BPTF: variants seen among roughly 807,000 people sequenced by gnomAD.
BPTF encodes the protein nucleosome-remodeling factor subunit BPTF.
BPTF carries 18 observed loss-of-function variants against 292.5 expected under a neutral mutation model. The ratio of observed to expected loss-of-function variants is 0.06; its 90% CI spans 0.04 to 0.09. The LOEUF (loss-of-function observed/expected upper bound fraction) is 0.09. Ranked by LOEUF, BPTF falls within the 10% of genes least tolerant of loss-of-function variation. The probability of loss-of-function intolerance (pLI) is 1.00; values close to 1 mark genes in which losing one functional copy is unlikely to be tolerated. For synonymous variants in BPTF, 1,225 were observed against 1,251.9 expected (o/e 0.98, Z 0.45); for missense variants, 2,726 against 3,498.7 (o/e 0.78, Z 5.57).
chr17:67,851,960 G>C (rs1020585013), intron 1 of BPTF, among the ~76,000 whole-genome samples: 1 of 151,402 alleles, frequency 6.6e-6, no homozygotes, highest in South Asian at 2.1e-4. Context: ...TAATTCACCT[G>C]GTAGAGAGAT....
chr17:67,901,304 T>TA lies in BPTF; in HGVS notation c.2544-2472dup, dbSNP rs68104231. Among the ~76,000 whole-genome samples, 884 of 141,094 alleles carry TA rather than the reference T, an allele frequency of 6.3e-3. 6 individuals carry two copies. Among genetic ancestry groups the TA allele is most frequent in the South Asian group, 6.8e-3 (30 of 4,404 alleles). 92.6% of individuals were successfully genotyped at this position (141,094 alleles called of 152,430 possible). The stretch of plus-strand genomic sequence containing the variant: ...AACATTTAGATTGATGAAGAATTGT[T>TA]AAAAAAAAAAAAACCCAGAACCCTA... On this transcript the variant is annotated intron_variant, in intron 7 of 27. Transcript: ENST00000306378.
At chr17:67,892,797 T>C (rs1437476281) in intron 5 of BPTF, among the ~76,000 whole-genome samples, 2 of 152,242 alleles carry the variant, frequency 1.3e-5, no homozygotes, top group Non-Finnish European at 2.9e-5. Context: ...CACTCTGATA[T>C]TTTCTGTGCT....
chr17:67,844,150 G>T (rs1342481484), intron 1 of BPTF, among the ~76,000 whole-genome samples: 1 of 140,932 alleles, frequency 7.1e-6, no homozygotes, highest in Non-Finnish European at 1.5e-5. Flanking sequence ...CATGATCTCA[G>T]CTCACTGCAA....
intron 2 of BPTF, among the ~76,000 whole-genome samples, chr17:67,857,248 G>T (rs139214014): frequency 7.1e-6 from 1 of 141,356 alleles, no homozygotes; most frequent in African/African-American, 2.6e-5. Flanking sequence ...TGCAAGCTCC[G>T]CCTCCCGGGT....
intron 1 of BPTF, among the ~76,000 whole-genome samples, chr17:67,833,186 A>G (rs1173960379): frequency 6.6e-6 from 1 of 151,920 alleles, no homozygotes; most frequent in Non-Finnish European, 1.5e-5. Flanking sequence ...AGCGTTATGC[A>G]TATCTTAACA....
At chr17:67,903,667 G>C (rs748521559) in intron 7 of BPTF, 122 bp from the exon 8 acceptor site, 1 of 827,442 alleles carries the variant, frequency 1.2e-6, no homozygotes, top group African/African-American at 1.8e-5. Flanking sequence ...TGTCAGTTGG[G>C]GTTGTCTGGT....
At position 67,947,823 on chromosome 17, in the gene BPTF, G is replaced by T; in HGVS notation, c.7700+15G>T. On this transcript the variant is annotated intron_variant, in intron 22 of 27. Transcript: ENST00000306378. ...GAGAATCAAAGGTAGGGGAGACGCA[G>T]GGTCTTGTTGTCTGTCCGTCTCTTC... 2 of 1,549,150 alleles carry T rather than the reference G, an allele frequency of 1.3e-6. No individual in the cohort carries two copies. Among genetic ancestry groups the T allele is most frequent in the South Asian group, 2.4e-5 (2 of 83,746 alleles).
intron 1 of BPTF, among the ~76,000 whole-genome samples, chr17:67,839,161 AT>A (rs1158294343): frequency 6.6e-6 from 1 of 151,960 alleles, no homozygotes; most frequent in Non-Finnish European, 1.5e-5. Context: ...AACAAATTGC[AT>A]TGTGTACCAC....
In BPTF at chr17:67,912,860, C is replaced by G. The variant is rs202095865; in HGVS notation, c.4976C>G (p.Thr1659Arg). Reference protein sequence around the residue: ...VKEQSKTVVTTTVTDSLTTTG... With the variant: ...VKEQSKTVVTRTVTDSLTTTG... ...GAGCAGAGCAAAACCGTGGTCACCA[C>G]GACAGTGACAGACTCCCTGACCACC... is the stretch of plus-strand genomic sequence containing the variant. The change falls in exon 11 of 28, where the codon ACG becomes AGG. Residue 1659 changes from threonine (T) to arginine (R), a missense_variant. Transcript: ENST00000306378. The G allele has an allele frequency of 1.2e-6, 2 of 1,613,958 alleles. No homozygotes were observed. The highest frequency in any genetic ancestry group is 2.7e-5 in the African/African-American group (2 of 74,880).
chr17:67,885,394 G>T (rs1342170704), intron 4 of BPTF, among the ~76,000 whole-genome samples: 2 of 152,180 alleles, frequency 1.3e-5, no homozygotes, highest in African/African-American at 4.8e-5. Flanking sequence ...GCCCAGCCTG[G>T]CCAACATGGT....
intron 17 of BPTF, among the ~76,000 whole-genome samples, chr17:67,930,043 G>C (rs755737035): frequency 4.0e-5 from 6 of 151,472 alleles, no homozygotes; most frequent in Non-Finnish European, 5.9e-5. Flanking sequence ...TTGAGCCTGG[G>C]AGGGGAAGGT....
intron 3 of BPTF, among the ~76,000 whole-genome samples, chr17:67,874,327 C>T (rs1482799841): frequency 1.3e-4 from 20 of 152,136 alleles, no homozygotes; most frequent in Non-Finnish European, 1.8e-4. Context: ...CCAAAAGGGC[C>T]TCTGTTTTCT....
intron 1 of BPTF, among the ~76,000 whole-genome samples, chr17:67,853,429 C>CA (rs1029470406): frequency 6.6e-6 from 1 of 151,956 alleles, no homozygotes; most frequent in Non-Finnish European, 1.5e-5. Context: ...GTACTTCTGA[C>CA]AAAAAAAGAG....
intron 14 of BPTF, 95 bp downstream of exon 14, chr17:67,923,085 T>C (rs1598683058): frequency 2.9e-6 from 4 of 1,369,670 alleles, no homozygotes; most frequent in Admixed American, 4.6e-5. Context: ...AGACAGGATC[T>C]TGCTCTGTCA....
intron 1 of BPTF, among the ~76,000 whole-genome samples, chr17:67,847,043 C>G (rs1383656079): frequency 6.6e-6 from 1 of 152,034 alleles, no homozygotes; most frequent in Non-Finnish European, 1.5e-5. Context: ...TATTTGGGAC[C>G]TGTGTTGGTT....
intron 18 of BPTF, among the ~76,000 whole-genome samples, chr17:67,939,837 G>A (rs924535199): frequency 1.3e-5 from 2 of 152,272 alleles, no homozygotes; most frequent in African/African-American, 4.8e-5. Flanking sequence ...CCAAGATCAC[G>A]CCACCGCACT....
intron 17 of BPTF, among the ~76,000 whole-genome samples, chr17:67,930,848 G>C (rs940896087): frequency 6.6e-6 from 1 of 152,040 alleles, no homozygotes; most frequent in Non-Finnish European, 1.5e-5. Context: ...CCAGCTGCTT[G>C]GGAGGGTAAG....
chr17:67,952,449 G>A (rs1402551560), intron 23 of BPTF, among the ~76,000 whole-genome samples: 6 of 152,176 alleles, frequency 3.9e-5, no homozygotes, highest in Middle Eastern at 3.4e-3. Flanking sequence ...TTTCAGTAGA[G>A]ATGGGGTTTC....
chr17:67,923,513 C>T lies in BPTF; in HGVS notation c.5708+523C>T, dbSNP rs139915626. Among the ~76,000 whole-genome samples the T allele has an allele frequency of 2.6e-3, 251 of 95,030 alleles. 6 individuals are homozygous for T. In the East Asian group the frequency reaches 0.066, roughly 25 times the overall value. 62.3% of individuals were successfully genotyped at this position (95,030 alleles called of 152,430 possible). On this transcript the variant is annotated intron_variant, in intron 14 of 27. Transcript: ENST00000306378. ...TTTTTTTTTTTTTGAAGCAGAGTCTCGCTCTGTCAGCTAGGCTGGAGTGCA... is the reference window on the plus strand; with the variant it reads ...TTTTTTTTTTTTTGAAGCAGAGTCTTGCTCTGTCAGCTAGGCTGGAGTGCA...
Sources: gnomAD v4.1 joint callset for allele counts (sites outside exome capture counted in the v4.1 genomes callset) on GRCh38, gnomAD v4.1.1 for gene constraint, MANE v1.5 for transcripts, NCBI Gene and HGNC (gene_info 2026-07-23, HGNC 2026-07-21) for gene names.